Variants in RBFOX1 observed in about 807,000 individuals in gnomAD.
RBFOX1 encodes the protein RNA binding fox-1 homolog 1.
A neutral mutation model predicts 57.7 loss-of-function variants in RBFOX1; 8 were observed. The ratio of observed to expected loss-of-function variants is 0.14; its 90% CI spans 0.08 to 0.25. The LOEUF (loss-of-function observed/expected upper bound fraction) is 0.25. RBFOX1 is among the 10% of genes least tolerant of loss of function. The probability of loss-of-function intolerance (pLI) is 1.00; values close to 1 mark genes in which losing one functional copy is unlikely to be tolerated. For missense variants in RBFOX1, 611 were observed against 548.5 expected (o/e 1.11, Z -1.14); for synonymous variants, 326 against 222.4 (o/e 1.47, Z -4.15).
intron 1 of RBFOX1, among the ~76,000 whole-genome samples, chr16:6,157,000 G>A (rs1345008318): frequency 6.6e-6 from 1 of 151,814 alleles, no homozygotes; most frequent in African/African-American, 2.4e-5. Flanking sequence ...GTGACTAATT[G>A]TTTTTCGCAT....
chr16:6,512,620 C>A (rs2096278029), intron 2 of RBFOX1, among the ~76,000 whole-genome samples: 1 of 152,164 alleles, frequency 6.6e-6, no homozygotes, highest in Non-Finnish European at 1.5e-5. Flanking sequence ...AAATGTTACA[C>A]ATTTCCAGAG....
intron 4 of RBFOX1, among the ~76,000 whole-genome samples, chr16:7,379,808 G>C (rs531683142): frequency 2.2e-4 from 33 of 150,814 alleles, no homozygotes; most frequent in South Asian, 6.3e-4. Context: ...CTGCCTGCCT[G>C]CCTCCCTCCC....
At chr16:6,446,200 T>TG (rs1255342930) in intron 2 of RBFOX1, among the ~76,000 whole-genome samples, 1 of 152,166 alleles carries the variant, frequency 6.6e-6, no homozygotes, top group Non-Finnish European at 1.5e-5. Context: ...GCCAGGGTCT[T>TG]GTCATGTTGC....
intron 2 of RBFOX1, among the ~76,000 whole-genome samples, chr16:6,340,168 G>A (rs1215707388): frequency 6.6e-6 from 1 of 152,122 alleles, no homozygotes; most frequent in Non-Finnish European, 1.5e-5. Context: ...ATGTGAGGAT[G>A]GCTTCAGTGC....
At chr16:5,633,734 C>T (rs546508161) in intron 3 of RBFOX1, among the ~76,000 whole-genome samples, 5 of 151,864 alleles carry the variant, frequency 3.3e-5, no homozygotes, top group Admixed American at 2.0e-4. Context: ...ATTAGCCGGG[C>T]GTCGTGGTGC....
chr16:5,444,181 T>A (rs2068172070), intron 1 of RBFOX1, among the ~76,000 whole-genome samples: 1 of 152,206 alleles, frequency 6.6e-6, no homozygotes, highest in Admixed American at 6.5e-5. Flanking sequence ...TTAATGAACA[T>A]AGGTGGTCTG....
chr16:6,013,426 G>T (rs1055346469), intron 4 of RBFOX1, among the ~76,000 whole-genome samples: 1 of 152,092 alleles, frequency 6.6e-6, no homozygotes. Flanking sequence ...ACCTCCCTTT[G>T]TATTTTTTTA....
chr16:6,413,299 A>G (rs1194078148), intron 2 of RBFOX1, among the ~76,000 whole-genome samples: 1 of 146,192 alleles, frequency 6.8e-6, no homozygotes, highest in East Asian at 2.0e-4. Flanking sequence ...AGCCTGCGCA[A>G]CAAGAGAGAA....
At position 6,003,006 on chromosome 16, in the gene RBFOX1, G is replaced by A. The variant is rs551273558; in HGVS notation, c.351+135671G>A. Reference sequence around the variant, plus strand: ...CAAGAAATGGGAGGGAAGACTGGGCGTGGTGGCTCATGCCTGTAATCCCAA... The same window carrying A: ...CAAGAAATGGGAGGGAAGACTGGGCATGGTGGCTCATGCCTGTAATCCCAA... On this transcript the variant is annotated intron_variant, in intron 4 of 19. Transcript: ENST00000641259. Among the ~76,000 whole-genome samples the A allele has an allele frequency of 3.2e-4, 49 of 152,278 alleles. 2 individuals are homozygous for A. The highest frequency in any genetic ancestry group is 6.8e-3 in the Middle Eastern group (2 of 294).
At chr16:7,276,076 A>C (rs553130296) in intron 4 of RBFOX1, among the ~76,000 whole-genome samples, 1 of 152,220 alleles carries the variant, frequency 6.6e-6, no homozygotes, top group African/African-American at 2.4e-5. Flanking sequence ...ACTCCTAAAC[A>C]TACCTCTTTG....
At position 7,428,492 on chromosome 16, in the gene RBFOX1, A is replaced by ATTT. The variant is rs1196255201; in HGVS notation, c.28-89653_28-89651dup. Among the ~76,000 whole-genome samples, 1,097 of 112,072 alleles carry ATTT rather than the reference A, an allele frequency of 9.8e-3. 8 individuals are homozygous for ATTT. Among genetic ancestry groups the ATTT allele is most frequent in the Non-Finnish European group, 0.013 (705 of 53,872 alleles). 73.5% of individuals were successfully genotyped at this position (112,072 alleles called of 152,430 possible). A position where few individuals can be genotyped will look rare whatever the true frequency, so the allele number is the denominator to read the frequency against. ...CAGGCATCCACTACCACTCCTGGCT[A>ATTT]TTTTATTATTATTATTATTATTATT... is the stretch of plus-strand genomic sequence containing the variant. On this transcript the variant is annotated intron_variant, in intron 4 of 15. Coordinates refer to ENST00000550418, the MANE Select transcript of RBFOX1 (RefSeq NM_018723.4).
At chr16:7,202,101 A>G (rs950905468) in intron 4 of RBFOX1, among the ~76,000 whole-genome samples, 1 of 152,100 alleles carries the variant, frequency 6.6e-6, no homozygotes, top group Admixed American at 6.5e-5. Context: ...GGGTTACTCA[A>G]CAACAACAAC....
intron 4 of RBFOX1, among the ~76,000 whole-genome samples, chr16:7,326,765 G>A (rs569208005): frequency 6.6e-6 from 1 of 152,122 alleles, no homozygotes; most frequent in African/African-American, 2.4e-5. Flanking sequence ...TCCAAACCCA[G>A]CCTCTCCAAC....
chr16:6,588,279 C>T (rs2097659556), intron 2 of RBFOX1, among the ~76,000 whole-genome samples: 1 of 151,796 alleles, frequency 6.6e-6, no homozygotes, highest in Admixed American at 6.6e-5. Context: ...CAAAACAATT[C>T]TTATTTTTTT....
At chr16:5,987,871 C>G (rs558820031) in intron 4 of RBFOX1, among the ~76,000 whole-genome samples, 1 of 152,184 alleles carries the variant, frequency 6.6e-6, no homozygotes, top group Admixed American at 6.5e-5. Context: ...TTTTCAATAG[C>G]ATTTTATATA....
At chr16:7,339,177 C>T (rs928190876) in intron 4 of RBFOX1, among the ~76,000 whole-genome samples, 5 of 152,132 alleles carry the variant, frequency 3.3e-5, no homozygotes, top group African/African-American at 9.7e-5. Flanking sequence ...GTTTTCTAGG[C>T]TGCAAAACAA....
Position 7,287,974 on chromosome 16 carries a change from G to T in RBFOX1, c.28-230173G>T, listed in dbSNP as rs995327341. On this transcript the variant is annotated intron_variant, in intron 4 of 15. Transcript: ENST00000550418. ...TGAAATGAGTGATGTGTGACTGGCT[G>T]TTGAACGAAAAATCCAAACCAATCT... Among the ~76,000 whole-genome samples, 7 of 152,266 alleles carry T rather than the reference G, an allele frequency of 4.6e-5. No individual in the cohort carries two copies. In the South Asian group the frequency reaches 1.5e-3, roughly 32 times the overall value.
At position 6,124,174 on chromosome 16, in the gene RBFOX1, A is replaced by T. The variant is rs552075237; in HGVS notation, c.-127+104182A>T. 3.9e-5 allele frequency among the ~76,000 whole-genome samples: 6 copies of T among 152,298 alleles called. 1 individual carries two copies. Among genetic ancestry groups the T allele is most frequent in the African/African-American group, 1.4e-4 (6 of 41,582 alleles). Reference sequence around the variant, plus strand: ...AGCATTTCACTAAGAGGTATTTGGCATCAAAAACTGAAACTGGATTCCCTT... The same window carrying T: ...AGCATTTCACTAAGAGGTATTTGGCTTCAAAAACTGAAACTGGATTCCCTT... On this transcript the variant is annotated intron_variant, in intron 1 of 15. Coordinates refer to ENST00000550418, the MANE Select transcript of RBFOX1 (RefSeq NM_018723.4).
intron 4 of RBFOX1, among the ~76,000 whole-genome samples, chr16:7,434,193 G>A (rs1168862894): frequency 2.6e-5 from 4 of 151,986 alleles, no homozygotes. Flanking sequence ...AAGGAGGGGC[G>A]GGGCGCGGTG....
Sources: gnomAD v4.1 joint callset for allele counts (sites outside exome capture counted in the v4.1 genomes callset) on GRCh38, gnomAD v4.1.1 for gene constraint, MANE v1.5 for transcripts, NCBI Gene and HGNC (gene_info 2026-07-23, HGNC 2026-07-21) for gene names.